Variants in FXR2 observed in about 807,000 individuals in gnomAD.
FXR2 encodes the protein RNA-binding protein FXR2.
FXR2 carries 9 observed loss-of-function variants against 87.3 expected under a neutral mutation model. That is an observed-to-expected ratio of 0.10 (90% CI 0.06 to 0.18). The LOEUF is 0.18. Ranked by LOEUF, FXR2 falls within the 10% of genes least tolerant of loss-of-function variation. The pLI is 1.00. For missense variants in FXR2, 661 were observed against 893.6 expected, an observed-to-expected ratio of 0.74 and a Z score of 3.32; for synonymous variants, 331 against 328.3, an observed-to-expected ratio of 1.01 and a Z score of -0.09.
intron 1 of FXR2, among the ~76,000 whole-genome samples, chr17:7,611,703 T>A (rs1230128958): frequency 6.6e-6 from 1 of 151,228 alleles, no homozygotes; most frequent in African/African-American, 2.4e-5. Flanking sequence ...AAAAGAAAAC[T>A]GACAACAGGG....
intron 7 of FXR2, among the ~76,000 whole-genome samples, chr17:7,599,223 C>CG (rs1567749949): frequency 1.3e-5 from 2 of 151,586 alleles, no homozygotes; most frequent in East Asian, 1.9e-4. Flanking sequence ...CACTTGAGCT[C>CG]GGGGGGTAGA....
chr17:7,597,343 A>G (rs528629354), intron 7 of FXR2, among the ~76,000 whole-genome samples: 1 of 152,298 alleles, frequency 6.6e-6, no homozygotes, highest in African/African-American at 2.4e-5. Context: ...TATACCAAGG[A>G]TTTATACCAG....
At chr17:7,614,381 C>A in intron 1 of FXR2, 71 bp downstream of exon 1, 1 of 1,132,088 alleles carries the variant, frequency 8.8e-7, no homozygotes, top group Non-Finnish European at 1.2e-6. Flanking sequence ...CTCGATCCCG[C>A]CCCACGCGTT....
At chr17:7,603,176 G>A (rs2071773118) in intron 5 of FXR2, among the ~76,000 whole-genome samples, 174 bp from the exon 6 acceptor site, 1 of 148,128 alleles carries the variant, frequency 6.8e-6, no homozygotes, top group South Asian at 2.1e-4. Context: ...GTGAGACCCT[G>A]TCTCTATTAA....
In FXR2 at chr17:7,593,487, A is replaced by G; in HGVS notation, c.1246T>C (p.Ser416Pro). ...KAGYSTDESS[S>P]SSLHATRTYG... ...GTTCGAGTCGCATGGAGGGAGGAGG[A>G]GGAGCTCTCATCAGTGCTATATCCA... is the stretch of plus-strand genomic sequence containing the variant. The change falls in exon 12 of 17, where the codon TCC becomes CCC. Residue 416 changes from serine (S) to proline (P), a missense_variant. Transcript: ENST00000250113. This position sits in a 1 kb window ranked among gnomAD's most constrained non-coding sequence, Gnocchi z 6.1. 1 of 1,588,288 alleles carries G rather than the reference A, an allele frequency of 6.3e-7. No individual in the cohort carries two copies. The highest frequency in any genetic ancestry group is 8.6e-7 in the Non-Finnish European group (1 of 1,168,758).
intron 2 of FXR2, 77 bp downstream of exon 2, chr17:7,606,020 T>C (rs895384520): frequency 3.2e-5 from 30 of 947,450 alleles, no homozygotes; most frequent in African/African-American, 1.3e-4. Context: ...ACATGCCTCA[T>C]AGGACTCAGC....
chr17:7,598,286 T>TA (rs534922745), intron 7 of FXR2, among the ~76,000 whole-genome samples: 1,781 of 150,328 alleles, frequency 0.012, 15 homozygotes, highest in Non-Finnish European at 0.016. Context: ...CCATCTCTAC[T>TA]AAAAAAAAAT....
chr17:7,591,914 G>A lies in FXR2; in HGVS notation c.1938C>T (p.Val646=). 6.3e-7 allele frequency: 1 copy of A among 1,591,296 alleles called. No individual in the cohort carries two copies. The highest frequency in any genetic ancestry group is 8.6e-7 in the Non-Finnish European group (1 of 1,159,678). Residue 646 remains valine, a synonymous_variant, in exon 17 of 17, where the codon GTC becomes GTT. Transcript: ENST00000250113. The surrounding 1 kb of genome is among the most constrained non-coding windows in gnomAD (Gnocchi z 4.0). ...DSLSGQKGDS[V]SKLPKGPSEN... is the part of the protein sequence containing the mutation. The stretch of plus-strand genomic sequence containing the variant: ...CCGAGGGGCCCTTAGGAAGCTTGCT[G>A]ACAGAGTCACCCTGAGGGGAAAGTG...
Position 7,592,555 on chromosome 17 carries a change from G to A in FXR2, c.1774C>T (p.Arg592Cys), listed in dbSNP as rs2071672175. 6.2e-7 allele frequency: 1 copy of A among 1,610,874 alleles called. No homozygotes were observed. The highest frequency in any genetic ancestry group is 8.5e-7 in the Non-Finnish European group (1 of 1,177,284). Residue 592 changes from arginine (R) to cysteine (C), a missense_variant, in exon 15 of 17, where the codon CGT becomes TGT. By Grantham distance (180) the Arg-to-Cys change is radical. This residue lies in a region of FXR2 where 409 missense variants were observed against 432.0 expected (regional missense o/e 0.95). Transcript: ENST00000250113. This position sits in a 1 kb window ranked among gnomAD's most constrained non-coding sequence, Gnocchi z 4.8. ...PQRRNRSRRR[R>C]NRGNRTDGSI... ...CCATCAGTCCGATTACCACGGTTACGGCGGCGGCGGCTGCGATTACGACGT... is the reference window on the plus strand; with the variant it reads ...CCATCAGTCCGATTACCACGGTTACAGCGGCGGCGGCTGCGATTACGACGT...
chr17:7,607,983 G>T (rs1480458309), intron 1 of FXR2, among the ~76,000 whole-genome samples: 1 of 151,602 alleles, frequency 6.6e-6, no homozygotes, highest in Middle Eastern at 3.2e-3. Context: ...GAGAGACAGG[G>T]TTTCTCCATG....
chr17:7,605,751 CAAT>C lies in FXR2; in HGVS notation c.135-16_135-14del, dbSNP rs2071798173. 7.0e-7 allele frequency: 1 copy of C among 1,433,172 alleles called. No homozygotes were observed. Among genetic ancestry groups the C allele is most frequent in the African/African-American group, 1.4e-5 (1 of 71,586 alleles). 88.8% of individuals were successfully genotyped at this position (1,433,172 alleles called of 1,614,324 possible). A position where few individuals can be genotyped will look rare whatever the true frequency, so the allele number is the denominator to read the frequency against. On this transcript the variant is annotated splice_polypyrimidine_tract_variant and intron_variant, in intron 2 of 16. Transcript: ENST00000250113. Reference sequence around the variant, plus strand: ...CTCACTCTGCCAGCTATAATAGAAACAATAATATGAAAAAGCTACTCTGACTGA... The same window carrying C: ...CTCACTCTGCCAGCTATAATAGAAACAATATGAAAAAGCTACTCTGACTGA...
intron 1 of FXR2, among the ~76,000 whole-genome samples, chr17:7,608,393 A>G (rs917769747): frequency 6.6e-6 from 1 of 150,900 alleles, no homozygotes; most frequent in South Asian, 2.1e-4. Flanking sequence ...TGAGTTCGAG[A>G]CTAGTCTGGC....
chr17:7,600,291 C>A (rs1330050639), intron 7 of FXR2, among the ~76,000 whole-genome samples: 1 of 151,998 alleles, frequency 6.6e-6, no homozygotes, highest in East Asian at 1.9e-4. Context: ...CTCCACTTCC[C>A]AGGTTCAAGC....
intron 1 of FXR2, among the ~76,000 whole-genome samples, chr17:7,609,930 GTATATA>G (rs1162446541): frequency 1.9e-3 from 151 of 78,948 alleles, no homozygotes; most frequent in East Asian, 3.3e-3. Flanking sequence ...ACATGTATAT[GTATATA>G]TATACATGTA....
Position 7,594,215 on chromosome 17 carries a change from G to T in FXR2, c.1020+23C>A. The T allele has an allele frequency of 7.5e-7, 1 of 1,331,088 alleles. No homozygotes were observed. Among genetic ancestry groups the T allele is most frequent in the Non-Finnish European group, 1.1e-6 (1 of 923,484 alleles). The allele number at this position is 1,331,088 out of a possible 1,614,324, so 82.5% of individuals were successfully genotyped here. ...TTTACTTCTGGAAACCAATCTCTATGCCCACTTGCCCCGTACCCATACCTC... is the reference window on the plus strand; with the variant it reads ...TTTACTTCTGGAAACCAATCTCTATTCCCACTTGCCCCGTACCCATACCTC... On this transcript the variant is annotated intron_variant, in intron 10 of 16. Transcript: ENST00000250113. The surrounding 1 kb of genome is among the most constrained non-coding windows in gnomAD (Gnocchi z 5.1).
Position 7,593,907 on chromosome 17 carries a change from G to T in FXR2, c.1107+11C>A. 6.4e-7 allele frequency: 1 copy of T among 1,561,232 alleles called. No homozygotes were observed. Among genetic ancestry groups the T allele is most frequent in the Non-Finnish European group, 8.8e-7 (1 of 1,131,908 alleles). ...TTCACACCCAGCATTTTTCTCTCCC[G>T]GCCTGGGTACCTGCAGGTAGGAGAG... On this transcript the variant is annotated intron_variant, in intron 11 of 16. Coordinates refer to ENST00000250113, the MANE Select transcript of FXR2 (RefSeq NM_004860.4). The surrounding 1 kb of genome is among the most constrained non-coding windows in gnomAD (Gnocchi z 6.1).
Position 7,593,362 on chromosome 17 carries a change from G to A in FXR2, c.1330+41C>T. ...TCCAGACCTCTGCCTCTACCCACAA[G>A]CCCTGCCACTCCTTGCCTCCTGTTC... On this transcript the variant is annotated intron_variant, in intron 12 of 16. Coordinates refer to ENST00000250113, the MANE Select transcript of FXR2 (RefSeq NM_004860.4). This position sits in a 1 kb window ranked among gnomAD's most constrained non-coding sequence, Gnocchi z 6.1. 1 of 1,449,038 alleles carries A rather than the reference G, an allele frequency of 6.9e-7. No individual in the cohort carries two copies. Among genetic ancestry groups the A allele is most frequent in the Non-Finnish European group, 9.5e-7 (1 of 1,056,778 alleles). 89.8% of individuals were successfully genotyped at this position (1,449,038 alleles called of 1,614,324 possible). A position where few individuals can be genotyped will look rare whatever the true frequency, so the allele number is the denominator to read the frequency against.
chr17:7,599,100 G>A (rs2071731436), intron 7 of FXR2, among the ~76,000 whole-genome samples: 1 of 150,988 alleles, frequency 6.6e-6, no homozygotes, highest in African/African-American at 2.4e-5. Flanking sequence ...TTGTGCCATT[G>A]CACTCCAGCC....
intron 7 of FXR2, 138 bp downstream of exon 7, chr17:7,601,271 A>G: frequency 1.6e-6 from 1 of 611,564 alleles, no homozygotes; most frequent in Non-Finnish European, 3.0e-6. Flanking sequence ...AGTCTGAGAT[A>G]AAATAGCTGA....
Sources: allele counts gnomAD v4.1 joint callset (sites outside exome capture counted in the v4.1 genomes callset), GRCh38; gene constraint gnomAD v4.1.1; regional missense constraint gnomAD v4.1.1; non-coding constraint Gnocchi (gnomAD v3.1); transcripts MANE v1.5; gene names NCBI Gene and HGNC (gene_info 2026-07-23, HGNC 2026-07-21).